The following ACACB variants were observed in gnomAD, a reference collection of about 807,000 sequenced individuals.
ACACB encodes the protein acetyl-CoA carboxylase beta, also known as acetyl-CoA carboxylase 2.
A neutral mutation model predicts 278.8 loss-of-function variants in ACACB; 209 were observed. The ratio of observed to expected loss-of-function variants is 0.75; its 90% CI spans 0.67 to 0.84. ACACB has a LOEUF of 0.84. Ranked by LOEUF, ACACB falls within the 40% of genes least tolerant of loss-of-function variation. ACACB has a pLI of 0.00. For synonymous variants in ACACB, 1,174 were observed against 1,285.6 expected, an observed-to-expected ratio of 0.91 and a Z score of 1.86; for missense variants, 2,850 against 3,269.0, an observed-to-expected ratio of 0.87 and a Z score of 3.13.
chr12:109,200,027 G>A (rs1283237148), intron 18 of ACACB, among the ~76,000 whole-genome samples: 6 of 128,250 alleles, frequency 4.7e-5, no homozygotes, highest in South Asian at 2.6e-4. Flanking sequence ...GAAAGACTCC[G>A]TCTCAAAAAA....
rs1366382925 is a variant in ACACB at position 109,176,177 on chromosome 12, T to C, written c.1351T>C (p.Leu451=). The C allele has an allele frequency of 1.9e-6, 3 of 1,614,188 alleles. No individual in the cohort carries two copies. Among genetic ancestry groups the C allele is most frequent in the East Asian group, 4.5e-5 (2 of 44,874 alleles). Reference sequence around the variant, plus strand: ...GGCAGCAGAAAGAATTGGTTTTCCATTGATGATCAAAGCTTCTGAAGGTGG... The same window carrying C: ...GGCAGCAGAAAGAATTGGTTTTCCACTGATGATCAAAGCTTCTGAAGGTGG... ...LEAAERIGFP[L]MIKASEGGGG... is the part of the protein sequence containing the mutation. Residue 451 remains leucine (L), a synonymous_variant, in exon 9 of 53, where the codon TTG becomes CTG. Coordinates refer to ENST00000338432, the MANE Select transcript of ACACB (RefSeq NM_001093.4).
At chr12:109,190,198 T>C (rs751560334) in intron 13 of ACACB, among the ~76,000 whole-genome samples, 1 of 152,116 alleles carries the variant, frequency 6.6e-6, no homozygotes, top group Admixed American at 6.6e-5. Context: ...CATGAATTCA[T>C]AGGGCTCAGC....
intron 2 of ACACB, among the ~76,000 whole-genome samples, chr12:109,143,743 G>A (rs531565801): frequency 1.3e-5 from 2 of 152,156 alleles, no homozygotes; most frequent in Non-Finnish European, 2.9e-5. Context: ...CTAATGAACT[G>A]TAGTGAGAAT....
chr12:109,194,800 C>T (rs2045055605), intron 16 of ACACB, among the ~76,000 whole-genome samples: 1 of 152,134 alleles, frequency 6.6e-6, no homozygotes, highest in African/African-American at 2.4e-5. Flanking sequence ...TTCCAAGGTT[C>T]CAGGAAGGCC....
At chr12:109,213,751 C>G (rs762895180) in intron 22 of ACACB, among the ~76,000 whole-genome samples, 10 of 152,062 alleles carry the variant, frequency 6.6e-5, no homozygotes, top group Non-Finnish European at 1.3e-4. Context: ...GCGCCCAACA[C>G]CACGCCCGGC....
intron 1 of ACACB, among the ~76,000 whole-genome samples, chr12:109,122,048 G>A (rs187606095): frequency 7.6e-4 from 116 of 152,320 alleles, no homozygotes; most frequent in African/African-American, 2.2e-3. Context: ...GGCAGGGAAG[G>A]GAAGAACATT....
chr12:109,218,915 C>T (rs1221357598), intron 24 of ACACB, among the ~76,000 whole-genome samples: 2 of 151,928 alleles, frequency 1.3e-5, no homozygotes, highest in Non-Finnish European at 2.9e-5. Flanking sequence ...TACAGGCATG[C>T]GCCACCACGC....
At chr12:109,156,235 T>TG (rs1454721010) in intron 2 of ACACB, among the ~76,000 whole-genome samples, 1 of 151,838 alleles carries the variant, frequency 6.6e-6, no homozygotes. Flanking sequence ...ACCCCATCTC[T>TG]GAAAAAAAAT....
In ACACB at chr12:109,185,633, GAGT is replaced by G. The variant is rs769605762; in HGVS notation, c.1874_1876del (p.Glu625_Ser626delinsAla). The stretch of plus-strand genomic sequence containing the variant: ...GAAGGATATCCGGCTTCTGTATGGA[GAGT>G]CACCATGGGGAGTGACTCCCATTTC... On this transcript the variant is annotated inframe_deletion, in exon 12 of 53. Transcript: ENST00000338432. The G allele has an allele frequency of 6.2e-7, 1 of 1,614,016 alleles. No individual in the cohort carries two copies. Among genetic ancestry groups the G allele is most frequent in the Non-Finnish European group, 8.5e-7 (1 of 1,179,980 alleles).
At chr12:109,180,442 C>G (rs2044427534) in intron 11 of ACACB, among the ~76,000 whole-genome samples, 1 of 152,158 alleles carries the variant, frequency 6.6e-6, no homozygotes, top group South Asian at 2.1e-4. Context: ...GTGCTTTATT[C>G]ATGAAAAGAG....
intron 19 of ACACB, among the ~76,000 whole-genome samples, chr12:109,206,209 G>A (rs571891276): frequency 1.3e-5 from 2 of 152,046 alleles, no homozygotes; most frequent in African/African-American, 4.8e-5. Context: ...GCCAAGGCGG[G>A]CAGATCATGA....
rs188546555 is a variant in ACACB, at chr12:109,251,366, C to T, written c.5791-680C>T. ...CTACCTACTCTAACAGCAGCAGCAG[C>T]AGGAATAATAGTACTCTTTAATGAT... On this transcript the variant is annotated intron_variant, in intron 41 of 52. Transcript: ENST00000338432. 1.2e-3 allele frequency among the ~76,000 whole-genome samples: 190 copies of T among 152,320 alleles called. 1 individual carries two copies. The highest frequency in any genetic ancestry group is 3.9e-3 in the Admixed American group (59 of 15,302).
chr12:109,199,257 G>T, intron 17 of ACACB, 145 bp from the exon 18 acceptor site: 1 of 577,024 alleles, frequency 1.7e-6, no homozygotes, highest in Non-Finnish European at 2.7e-6. Flanking sequence ...CAGTGTCTCT[G>T]AGATAACTAT....
chr12:109,245,576 C>T (rs1169152113), intron 37 of ACACB, 50 bp from the exon 38 acceptor site: 3 of 1,589,248 alleles, frequency 1.9e-6, no homozygotes, highest in Non-Finnish European at 2.6e-6. Context: ...AAAGATAGTT[C>T]TTCCCTACTG....
chr12:109,114,689 A>T (rs962092048), upstream of ACACB, among the ~76,000 whole-genome samples: 2 of 151,740 alleles, frequency 1.3e-5, no homozygotes, highest in African/African-American at 4.8e-5. Context: ...AAAAAAAAAA[A>T]ATTTTTTTTT....
intron 1 of ACACB, among the ~76,000 whole-genome samples, chr12:109,129,763 A>T (rs2042776581): frequency 6.6e-6 from 1 of 152,118 alleles, no homozygotes; most frequent in African/African-American, 2.4e-5. Context: ...TGATGGGGGG[A>T]TCTGCCTGTC....
At chr12:109,240,103 T>A in intron 35 of ACACB, 118 bp downstream of exon 35, 1 of 1,230,612 alleles carries the variant, frequency 8.1e-7, no homozygotes, top group South Asian at 1.5e-5. Flanking sequence ...ACCATGCGTA[T>A]CTGAGCCTCA....
intron 15 of ACACB, 128 bp downstream of exon 15, chr12:109,192,078 G>T: frequency 1.0e-6 from 1 of 975,428 alleles, no homozygotes. Flanking sequence ...CTCCGGTCTT[G>T]CCTCTGGGAA....
At chr12:109,232,580 CAGCTCACTGA>C (rs1231729211) in intron 28 of ACACB, 79 bp from the exon 29 acceptor site, 1 of 1,495,684 alleles carries the variant, frequency 6.7e-7, no homozygotes, top group African/African-American at 1.4e-5. Flanking sequence ...AAATCTGGTC[CAGCTCACTGA>C]AGCTTCAGGA....
Sources: allele counts gnomAD v4.1 joint callset (sites outside exome capture counted in the v4.1 genomes callset), GRCh38; gene constraint gnomAD v4.1.1; transcripts MANE v1.5; gene names NCBI Gene and HGNC (gene_info 2026-07-23, HGNC 2026-07-21).